ARL15: variants seen among roughly 807,000 people sequenced by gnomAD.
The protein encoded by ARL15 is ADP-ribosylation factor-like protein 15.
A neutral mutation model predicts 25.2 loss-of-function variants in ARL15; 19 were observed. The observed-to-expected ratio is 0.75, with a 90% CI of 0.53 to 1.10. ARL15 has a LOEUF of 1.10. Ranked by LOEUF, ARL15 falls within the 50% of genes least tolerant of loss-of-function variation. The pLI, the probability that ARL15 is intolerant of heterozygous loss-of-function variation, is 0.00. For synonymous variants in ARL15, 94 were observed against 86.8 expected, an observed-to-expected ratio of 1.08 and a Z score of -0.46; for missense variants, 220 against 246.0, an observed-to-expected ratio of 0.89 and a Z score of 0.71.
chr5:53,889,773 G>C (rs1344544805), intron 4 of ARL15, among the ~76,000 whole-genome samples: 1 of 151,502 alleles, frequency 6.6e-6, no homozygotes, highest in African/African-American at 2.4e-5. Context: ...ACAGTACAGA[G>C]AGGAGAAGAT....
chr5:54,235,245 T>C (rs1352850761), intron 1 of ARL15, among the ~76,000 whole-genome samples: 4 of 152,214 alleles, frequency 2.6e-5, no homozygotes, highest in Admixed American at 6.5e-5. Flanking sequence ...TAACTCTGTA[T>C]GTTAATGTTA....
chr5:53,894,734 T>C lies in ARL15; in HGVS notation c.463-8021A>G, dbSNP rs1233166756. 2.6e-5 allele frequency among the ~76,000 whole-genome samples: 4 copies of C among 152,242 alleles called. No individual in the cohort carries two copies. In the South Asian group the frequency reaches 8.3e-4, roughly 32 times the overall value. On this transcript the variant is annotated intron_variant, in intron 4 of 4. Transcript: ENST00000504924. ...CCTGCATCCAGGCCTTTGCTCCAAC[T>C]ACTGCTTCCAACCCTAGGTGCCTCC... is the stretch of plus-strand genomic sequence containing the variant.
At chr5:53,996,618 T>TAAA (rs529752025) in intron 4 of ARL15, among the ~76,000 whole-genome samples, 52 of 98,696 alleles carry the variant, frequency 5.3e-4, no homozygotes, top group African/African-American at 1.2e-3. Context: ...GACTGTCTCA[T>TAAA]AAAAAAAAAA....
intron 4 of ARL15, among the ~76,000 whole-genome samples, chr5:54,109,590 T>TCAG (rs1261032766): frequency 1.3e-5 from 2 of 152,004 alleles, no homozygotes; most frequent in East Asian, 3.8e-4. Context: ...ATCTATTAAA[T>TCAG]AACTTCAGAA....
chr5:54,298,100 T>A (rs1199030561), intron 1 of ARL15, among the ~76,000 whole-genome samples: 2 of 152,180 alleles, frequency 1.3e-5, no homozygotes, highest in Non-Finnish European at 2.9e-5. Flanking sequence ...CTACTTTCTA[T>A]GTGCCCTTCC....
intron 4 of ARL15, among the ~76,000 whole-genome samples, chr5:53,999,366 A>G (rs1038219231): frequency 1.3e-5 from 2 of 152,100 alleles, no homozygotes; most frequent in Non-Finnish European, 2.9e-5. Flanking sequence ...AGGCAGGTGG[A>G]TCACCTGAGG....
intron 4 of ARL15, among the ~76,000 whole-genome samples, chr5:54,056,558 A>C (rs771559716): frequency 6.6e-6 from 1 of 151,188 alleles, no homozygotes; most frequent in Non-Finnish European, 1.5e-5. Flanking sequence ...TGAACCCAAG[A>C]GGCAGAGGCT....
intron 2 of ARL15, among the ~76,000 whole-genome samples, chr5:54,168,131 A>G (rs1754627981): frequency 6.6e-6 from 1 of 152,216 alleles, no homozygotes; most frequent in Non-Finnish European, 1.5e-5. Context: ...CAGTCCTTAA[A>G]TCAGTGGCAG....
intron 1 of ARL15, among the ~76,000 whole-genome samples, chr5:54,242,289 G>A (rs949986068): frequency 6.6e-6 from 1 of 152,118 alleles, no homozygotes; most frequent in African/African-American, 2.4e-5. Flanking sequence ...GGAATATATA[G>A]GGAAGTATTT....
chr5:54,291,164 T>C (rs1417834932), intron 1 of ARL15, among the ~76,000 whole-genome samples: 1 of 152,216 alleles, frequency 6.6e-6, no homozygotes, highest in Non-Finnish European at 1.5e-5. Context: ...AGCTTTGAGG[T>C]TAGACAAACC....
chr5:53,944,390 C>T (rs973015247), intron 4 of ARL15, among the ~76,000 whole-genome samples: 1 of 152,034 alleles, frequency 6.6e-6, no homozygotes, highest in East Asian at 1.9e-4. Flanking sequence ...GCAGGAGGAT[C>T]GTTTGAGCCC....
chr5:54,244,227 C>T (rs974351624), intron 1 of ARL15, among the ~76,000 whole-genome samples: 1 of 152,162 alleles, frequency 6.6e-6, no homozygotes, highest in South Asian at 2.1e-4. Flanking sequence ...GAGAAACACC[C>T]ACTACCTGTA....
intron 1 of ARL15, among the ~76,000 whole-genome samples, chr5:54,233,854 A>G (rs1756734837): frequency 6.6e-6 from 1 of 152,254 alleles, no homozygotes; most frequent in Admixed American, 6.5e-5. Flanking sequence ...GCAGAGGCAA[A>G]TATGAGACTC....
intron 4 of ARL15, among the ~76,000 whole-genome samples, chr5:54,106,076 G>A (rs528703271): frequency 6.6e-6 from 1 of 152,240 alleles, no homozygotes; most frequent in Admixed American, 6.5e-5. Context: ...TTTGGAAAGA[G>A]AATAGTACCC....
At chr5:54,099,392 A>G (rs1299778020) in intron 4 of ARL15, among the ~76,000 whole-genome samples, 1 of 151,934 alleles carries the variant, frequency 6.6e-6, no homozygotes, top group Non-Finnish European at 1.5e-5. Context: ...CTAATGATTA[A>G]AAAAAAATTT....
intron 1 of ARL15, among the ~76,000 whole-genome samples, chr5:54,275,974 A>C (rs1000717286): frequency 6.6e-6 from 1 of 151,302 alleles, no homozygotes; most frequent in Admixed American, 6.6e-5. Context: ...GATTCTTGCT[A>C]TGTTGCCCAG....
chr5:54,072,771 T>C (rs776595806), intron 4 of ARL15, among the ~76,000 whole-genome samples: 35 of 152,300 alleles, frequency 2.3e-4, no homozygotes, highest in Non-Finnish European at 4.1e-4. Flanking sequence ...TGTATCAAAA[T>C]TTCCTTTTCC....
chr5:54,234,536 A>G (rs1167444716), intron 1 of ARL15, among the ~76,000 whole-genome samples: 1 of 152,000 alleles, frequency 6.6e-6, no homozygotes, highest in Non-Finnish European at 1.5e-5. Context: ...GCATCCTACA[A>G]TAGCATCCAC....
At chr5:54,309,239 G>T (rs1758835842) in intron 1 of ARL15, among the ~76,000 whole-genome samples, 2 of 152,202 alleles carry the variant, frequency 1.3e-5, no homozygotes, top group African/African-American at 4.8e-5. Flanking sequence ...CCATTCACAA[G>T]GCTATGCATT....
Sources: gnomAD v4.1 joint callset for allele counts (sites outside exome capture counted in the v4.1 genomes callset) on GRCh38, gnomAD v4.1.1 for gene constraint, MANE v1.5 for transcripts, NCBI Gene and HGNC (gene_info 2026-07-23, HGNC 2026-07-21) for gene names.